SYCP2: variants seen among roughly 807,000 people sequenced by gnomAD.
SYCP2 encodes synaptonemal complex lateral element protein.
In SYCP2, 55 loss-of-function variants were observed where a neutral mutation model predicts 211.3. The ratio of observed to expected loss-of-function variants is 0.26; its 90% CI spans 0.21 to 0.33. The LOEUF is 0.33. SYCP2 is among the 10% of genes least tolerant of loss of function. SYCP2 has a pLI of 1.00. For missense variants in SYCP2, 1,731 were observed against 1,752.0 expected, an observed-to-expected ratio of 0.99 and a Z score of 0.21; for synonymous variants, 570 against 555.2, an observed-to-expected ratio of 1.03 and a Z score of -0.37.
intron 14 of SYCP2, among the ~76,000 whole-genome samples, chr20:59,909,821 T>C (rs908078765): frequency 6.6e-6 from 1 of 152,162 alleles, no homozygotes; most frequent in African/African-American, 2.4e-5. Flanking sequence ...TGATTTTAAA[T>C]AATAACTACT....
intron 19 of SYCP2, 29 bp downstream of exon 19, chr20:59,896,400 T>C (rs373529263): frequency 1.1e-4 from 138 of 1,239,424 alleles, no homozygotes; most frequent in African/African-American, 4.5e-5. Flanking sequence ...AAATAATTGT[T>C]AGAAATCTTT....
chr20:59,864,497 A>G, intron 44 of SYCP2, 109 bp from the exon 45 acceptor site: 1 of 715,874 alleles, frequency 1.4e-6, no homozygotes, highest in East Asian at 2.7e-5. Context: ...TTCATTTTAA[A>G]ACAACTTCTT....
intron 10 of SYCP2, among the ~76,000 whole-genome samples, 187 bp downstream of exon 10, chr20:59,914,978 C>T (rs377340272): frequency 1.6e-4 from 25 of 152,012 alleles, no homozygotes; most frequent in East Asian, 1.4e-3. Context: ...ATGTATCTAA[C>T]GCCTACTGTC....
intron 22 of SYCP2, 58 bp downstream of exon 22, chr20:59,893,084 A>G: frequency 1.7e-6 from 2 of 1,177,958 alleles, no homozygotes; most frequent in Non-Finnish European, 2.4e-6. Flanking sequence ...AATCTGTTAC[A>G]TTCACTGAAA....
rs749498444 is a variant in SYCP2, at chr20:59,878,050, A to C, written c.2942-5T>G. On this transcript the variant is annotated splice_polypyrimidine_tract_variant and splice_region_variant and intron_variant, in intron 31 of 44. Coordinates refer to ENST00000357552, the MANE Select transcript of SYCP2 (RefSeq NM_014258.4). The stretch of plus-strand genomic sequence containing the variant: ...GTCCCTTTTCCAAGGATGATCCTGT[A>C]ATTCAGAAAAATAAGGTTAAATTTT... 3.1e-6 allele frequency: 5 copies of C among 1,595,396 alleles called. No homozygotes were observed. The Admixed American group carries it at 8.5e-5, about 27-fold the overall frequency.
chr20:59,897,890 C>T (rs549285857), intron 18 of SYCP2, among the ~76,000 whole-genome samples: 1 of 152,136 alleles, frequency 6.6e-6, no homozygotes, highest in East Asian at 1.9e-4. Context: ...TCGAGACCAG[C>T]CTGGCTAACA....
Position 59,916,498 on chromosome 20 carries a change from A to G in SYCP2, c.501T>C (p.Cys167=). ...SLVIDSRVNI[C]IQQEIIKKMN... is the part of the protein sequence containing the mutation. ...TAAATGACTTTACCTCTTGCTGAAT[A>G]CAAATATTCACTCTTGAGTCAATAA... The change falls in exon 8 of 45, where the codon TGT becomes TGC. Residue 167 remains cysteine, a synonymous_variant. Transcript: ENST00000357552. 1.2e-6 allele frequency: 2 copies of G among 1,604,652 alleles called. No individual in the cohort carries two copies. The highest frequency in any genetic ancestry group is 4.5e-5 in the East Asian group (2 of 44,746).
intron 24 of SYCP2, among the ~76,000 whole-genome samples, chr20:59,889,637 C>A (rs1600868221): frequency 6.6e-6 from 1 of 151,986 alleles, no homozygotes; most frequent in Middle Eastern, 3.4e-3. Flanking sequence ...ATAATAGGTA[C>A]TAAGTTATTA....
intron 26 of SYCP2, among the ~76,000 whole-genome samples, chr20:59,882,547 A>G (rs1388660055): frequency 6.6e-6 from 1 of 152,192 alleles, no homozygotes; most frequent in Non-Finnish European, 1.5e-5. Context: ...CAGTGGATAA[A>G]TGCATAAAGA....
rs778615364 is a variant in SYCP2 at position 59,877,463 on chromosome 20, G to A, written c.3072C>T (p.Asn1024=). Residue 1024 remains asparagine (N), a synonymous_variant, in exon 33 of 45, where the codon AAC becomes AAT. Coordinates refer to ENST00000357552, the MANE Select transcript of SYCP2 (RefSeq NM_014258.4). ...ATTCTGAATTTGAGAGATCTTTATA[G>A]TTTTTTTTTGTTTTGGTTGCTTTTC... ...LPRKATKTKK[N]YKDLSNSESE... The A allele has an allele frequency of 1.3e-6, 2 of 1,592,988 alleles. No individual in the cohort carries two copies. Among genetic ancestry groups the A allele is most frequent in the South Asian group, 1.1e-5 (1 of 87,360 alleles).
At chr20:59,899,857 T>G in intron 18 of SYCP2, among the ~76,000 whole-genome samples, 1 of 152,270 alleles carries the variant, frequency 6.6e-6, no homozygotes, top group South Asian at 2.1e-4. Flanking sequence ...AATGCAATTA[T>G]AGAACAAAAA....
Position 59,925,529 on chromosome 20 carries a change from G to A in SYCP2, c.-46-3070C>T, listed in dbSNP as rs1236014804. Among the ~76,000 whole-genome samples the A allele has an allele frequency of 2.6e-5, 4 of 152,136 alleles. No individual in the cohort carries two copies. In the South Asian group the frequency reaches 8.3e-4, roughly 32 times the overall value. Reference sequence around the variant, plus strand: ...TTCACAACTGTTACTAAGTTATCTGGTTATCAGTTAATGTAAACATACTCT... The same window carrying A: ...TTCACAACTGTTACTAAGTTATCTGATTATCAGTTAATGTAAACATACTCT... On this transcript the variant is annotated intron_variant, in intron 2 of 44. Coordinates refer to ENST00000357552, the MANE Select transcript of SYCP2 (RefSeq NM_014258.4).
At chr20:59,931,022 T>C (rs1568995854) in intron 2 of SYCP2, among the ~76,000 whole-genome samples, 1 of 152,228 alleles carries the variant, frequency 6.6e-6, no homozygotes, top group Non-Finnish European at 1.5e-5. Flanking sequence ...TTATGAATTA[T>C]GTAAGTATTT....
At chr20:59,878,144 A>G (rs562991340) in intron 31 of SYCP2, 99 bp from the exon 32 acceptor site, 4 of 881,768 alleles carry the variant, frequency 4.5e-6, no homozygotes, top group Admixed American at 2.5e-5. Context: ...TAAAATAATA[A>G]AAAGTAGTAA....
intron 4 of SYCP2, 37 bp from the exon 5 acceptor site, chr20:59,920,524 A>C (rs769978302): frequency 4.1e-6 from 6 of 1,480,136 alleles, no homozygotes; most frequent in African/African-American, 1.4e-5. Flanking sequence ...TTCTGTAAAC[A>C]CAAAACAGTA....
chr20:59,906,212 T>C (rs1296644762), intron 15 of SYCP2, among the ~76,000 whole-genome samples: 1 of 152,118 alleles, frequency 6.6e-6, no homozygotes, highest in Admixed American at 6.5e-5. Context: ...CTAAAATTTA[T>C]ATAGAAGCTC....
At chr20:59,924,057 C>T (rs2060590181) in intron 2 of SYCP2, among the ~76,000 whole-genome samples, 1 of 151,936 alleles carries the variant, frequency 6.6e-6, no homozygotes, top group South Asian at 2.1e-4. Flanking sequence ...TCACTCCCAC[C>T]TTCATTCTGT....
chr20:59,879,051 C>T (rs1441342136), intron 31 of SYCP2, among the ~76,000 whole-genome samples: 1 of 152,044 alleles, frequency 6.6e-6, no homozygotes, highest in Non-Finnish European at 1.5e-5. Context: ...TAACCTCTAA[C>T]ATCTTCGTGA....
At chr20:59,884,678 T>C (rs568968453) in intron 26 of SYCP2, among the ~76,000 whole-genome samples, 5 of 152,210 alleles carry the variant, frequency 3.3e-5, no homozygotes, top group African/African-American at 1.2e-4. Context: ...AGTGCTTGCA[T>C]ACATATGTTC....
Sources: gnomAD v4.1 joint callset for allele counts (sites outside exome capture counted in the v4.1 genomes callset) on GRCh38, gnomAD v4.1.1 for gene constraint, MANE v1.5 for transcripts, NCBI Gene and HGNC (gene_info 2026-07-23, HGNC 2026-07-21) for gene names.